DOCK10: variants seen among roughly 807,000 people sequenced by gnomAD.
DOCK10 encodes the protein dedicator of cytokinesis 10, also known as dedicator of cytokinesis protein 10.
In DOCK10, 145 loss-of-function variants were observed where a neutral mutation model predicts 280.1. The observed-to-expected ratio is 0.52, with a 90% CI of 0.45 to 0.59. The LOEUF (loss-of-function observed/expected upper bound fraction) is 0.59. Ranked by LOEUF, DOCK10 falls within the 20% of genes least tolerant of loss-of-function variation. The pLI is 0.00. For missense variants in DOCK10, 2,368 were observed against 2,651.7 expected (o/e 0.89, Z 2.35); for synonymous variants, 915 against 942.2 (o/e 0.97, Z 0.53).
chr2:224,791,274 A>G (rs1368645373), intron 47 of DOCK10, among the ~76,000 whole-genome samples: 2 of 152,200 alleles, frequency 1.3e-5, no homozygotes, highest in Non-Finnish European at 2.9e-5. Flanking sequence ...AAATAAGGCA[A>G]TGATGTGTTT....
At chr2:224,826,656 A>G (rs1465577565) in intron 27 of DOCK10, among the ~76,000 whole-genome samples, 1 of 152,196 alleles carries the variant, frequency 6.6e-6, no homozygotes, top group Admixed American at 6.5e-5. Flanking sequence ...TGGGAGGCTG[A>G]GATGGGCAGA....
chr2:224,993,443 G>T (rs1467816829), intron 1 of DOCK10, among the ~76,000 whole-genome samples: 1 of 152,086 alleles, frequency 6.6e-6, no homozygotes, highest in African/African-American at 2.4e-5. Context: ...ACTGGTTATG[G>T]GCTCAACTTG....
intron 1 of DOCK10, among the ~76,000 whole-genome samples, chr2:225,032,837 T>G (rs1690119018): frequency 6.6e-6 from 1 of 152,352 alleles, no homozygotes; most frequent in African/African-American, 2.4e-5. Context: ...AAGTCAAATG[T>G]TCATGTCTGG....
intron 1 of DOCK10, among the ~76,000 whole-genome samples, chr2:225,024,154 C>G (rs1689856282): frequency 6.6e-6 from 1 of 152,172 alleles, no homozygotes; most frequent in Non-Finnish European, 1.5e-5. Flanking sequence ...GACAGATAAT[C>G]TATTCTTGAT....
intron 15 of DOCK10, among the ~76,000 whole-genome samples, chr2:224,856,518 CATGTGTGGAAGAG>C (rs1414344576): frequency 6.6e-6 from 1 of 152,160 alleles, no homozygotes; most frequent in Non-Finnish European, 1.5e-5. Context: ...CAGCCCATGC[CATGTGTGGAAGAG>C]ATAAGCTCTT....
chr2:224,986,623 C>CTG (rs1705981542), intron 1 of DOCK10, among the ~76,000 whole-genome samples: 1 of 152,022 alleles, frequency 6.6e-6, no homozygotes, highest in Non-Finnish European at 1.5e-5. Context: ...CTCTCTCTCT[C>CTG]TCTCTCTGTC....
chr2:224,882,511 C>G (rs1699034219), intron 7 of DOCK10, among the ~76,000 whole-genome samples: 1 of 152,048 alleles, frequency 6.6e-6, no homozygotes, highest in Middle Eastern at 3.2e-3. Flanking sequence ...TCTACTTGAG[C>G]CACCCTTGTA....
intron 51 of DOCK10, among the ~76,000 whole-genome samples, chr2:224,777,839 C>T (rs1057102475): frequency 4.6e-5 from 7 of 152,172 alleles, no homozygotes; most frequent in Non-Finnish European, 8.8e-5. Flanking sequence ...GCTGTTTTCT[C>T]CAATTCCACC....
rs769553345 is a variant in DOCK10 at position 224,805,545 on chromosome 2, AC to A, written c.3815-17del. The A allele has an allele frequency of 6.2e-7, 1 of 1,611,668 alleles. No homozygotes were observed. Among genetic ancestry groups the A allele is most frequent in the Admixed American group, 1.7e-5 (1 of 59,840 alleles). On this transcript the variant is annotated splice_polypyrimidine_tract_variant and intron_variant, in intron 34 of 55. Coordinates refer to ENST00000258390, the MANE Select transcript of DOCK10 (RefSeq NM_014689.3). The surrounding 1 kb of genome is among the most constrained non-coding windows in gnomAD (Gnocchi z 4.3). ...GATGAAAATGCTGTAAACACAAGCC[AC>A]AGCACACGTATGGGAATGAGATGTA...
chr2:224,993,310 G>T (rs73993948), intron 1 of DOCK10, among the ~76,000 whole-genome samples: 2,874 of 152,104 alleles, frequency 0.019, 95 homozygotes, highest in African/African-American at 0.066. Context: ...GGAGAAATGG[G>T]AATGGTAGTC....
At chr2:224,778,369 A>G (rs563658686) in intron 50 of DOCK10, 85 bp from the exon 51 acceptor site, 2 of 1,372,836 alleles carry the variant, frequency 1.5e-6, no homozygotes, top group South Asian at 1.3e-5. Context: ...TACTTAAAAA[A>G]CATATACAGT....
chr2:224,806,950 A>C (rs1187117973), intron 33 of DOCK10, among the ~76,000 whole-genome samples: 1 of 152,114 alleles, frequency 6.6e-6, no homozygotes, highest in Non-Finnish European at 1.5e-5. Flanking sequence ...GCCAGGCTCT[A>C]AAATAAATGT....
At chr2:224,811,312 G>T (rs1342129205) in intron 31 of DOCK10, among the ~76,000 whole-genome samples, 1 of 152,112 alleles carries the variant, frequency 6.6e-6, no homozygotes. Context: ...CATATGCTTT[G>T]CCCACTTTTT....
In DOCK10 at chr2:224,823,662, G is replaced by A. The variant is rs775196685; in HGVS notation, c.3037-15C>T. On this transcript the variant is annotated splice_polypyrimidine_tract_variant and intron_variant, in intron 27 of 55. Coordinates refer to ENST00000258390, the MANE Select transcript of DOCK10 (RefSeq NM_014689.3). ...GGCCGGGGAAGCTAAGGAAAGAACG[G>A]ATTATATCTTTCTAATGTGGCATGT... The A allele has an allele frequency of 5.7e-6, 9 of 1,566,726 alleles. No individual in the cohort carries two copies. Among genetic ancestry groups the A allele is most frequent in the Non-Finnish European group, 7.7e-6 (9 of 1,163,824 alleles).
In DOCK10 at chr2:224,805,340, T is replaced by C. The variant is rs752203295; in HGVS notation, c.3937-20A>G. On this transcript the variant is annotated intron_variant, in intron 35 of 55. Coordinates refer to ENST00000258390, the MANE Select transcript of DOCK10 (RefSeq NM_014689.3). This position sits in a 1 kb window ranked among gnomAD's most constrained non-coding sequence, Gnocchi z 4.3. The stretch of plus-strand genomic sequence containing the variant: ...TGGGATCTGGGAATTCAAGAACCAA[T>C]CAGGATTGAGTGAGAGTGAGTGACC... 4 of 1,612,566 alleles carry C rather than the reference T, an allele frequency of 2.5e-6. No individual in the cohort carries two copies. Among genetic ancestry groups the C allele is most frequent in the Non-Finnish European group, 8.5e-7 (1 of 1,179,110 alleles).
intron 1 of DOCK10, among the ~76,000 whole-genome samples, chr2:224,990,303 A>T (rs1455043204): frequency 6.6e-6 from 1 of 152,220 alleles, no homozygotes; most frequent in East Asian, 1.9e-4. Flanking sequence ...TTTTTAATAA[A>T]GTGTAGTATA....
At chr2:225,041,765 T>C (rs1199825105) in intron 1 of DOCK10, among the ~76,000 whole-genome samples, 1 of 152,088 alleles carries the variant, frequency 6.6e-6, no homozygotes, top group African/African-American at 2.4e-5. Context: ...GGGCCCCAGC[T>C]CTAACCAGGG....
chr2:225,014,094 T>A (rs6436520), intron 1 of DOCK10, among the ~76,000 whole-genome samples: 4 of 110,650 alleles, frequency 3.6e-5, no homozygotes, highest in Admixed American at 8.8e-5. Context: ...GTTTTTTTTT[T>A]TTTGTTTTTT....
At chr2:224,960,814 A>ACTG (rs1435701521) in intron 1 of DOCK10, among the ~76,000 whole-genome samples, 1 of 129,724 alleles carries the variant, frequency 7.7e-6, no homozygotes, top group Non-Finnish European at 1.5e-5. Context: ...ATCTCGACTC[A>ACTG]CTGCAAGCTC....
Sources: gnomAD v4.1 joint callset for allele counts (sites outside exome capture counted in the v4.1 genomes callset) on GRCh38, gnomAD v4.1.1 for gene constraint, Gnocchi (gnomAD v3.1) non-coding constraint, MANE v1.5 for transcripts, NCBI Gene and HGNC (gene_info 2026-07-23, HGNC 2026-07-21) for gene names.